Variants in MTMR9 observed in about 807,000 individuals in gnomAD.
MTMR9 encodes myotubularin related protein 9, also known as myotubularin-related protein 9.
In MTMR9, 39 loss-of-function variants were observed where a neutral mutation model predicts 69.5. The ratio of observed to expected loss-of-function variants is 0.56; its 90% CI spans 0.43 to 0.73. The LOEUF is 0.73. Among genes scored for constraint, MTMR9 ranks in the 30% least tolerant of loss-of-function variants. MTMR9 has a pLI of 0.00. For synonymous variants in MTMR9, 354 were observed against 240.8 expected (o/e 1.47, Z -4.35); for missense variants, 900 against 671.2 (o/e 1.34, Z -3.77).
chr8:11,310,617 C>T (rs1800159222), intron 6 of MTMR9, among the ~76,000 whole-genome samples: 1 of 152,102 alleles, frequency 6.6e-6, no homozygotes, highest in Non-Finnish European at 1.5e-5. Context: ...AGGTGAAGCC[C>T]ATTTACCTAA....
chr8:11,290,224 A>G (rs1799332848), intron 1 of MTMR9, among the ~76,000 whole-genome samples: 1 of 152,086 alleles, frequency 6.6e-6, no homozygotes, highest in South Asian at 2.1e-4. Context: ...ATCTTTGTAT[A>G]TGCTTGTGAG....
At chr8:11,287,993 T>A (rs1252267241) in intron 1 of MTMR9, among the ~76,000 whole-genome samples, 12 of 123,484 alleles carry the variant, frequency 9.7e-5, no homozygotes, top group East Asian at 6.6e-4. Context: ...ATAATATATA[T>A]TACATATAAT....
Position 11,325,040 on chromosome 8 carries a change from G to A in MTMR9, c.*2252G>A, listed in dbSNP as rs1585141652. On this transcript the variant is annotated 3_prime_UTR_variant, in exon 10 of 10. Transcript: ENST00000221086. ...GCGAGCCAGAGTACAGTCATAACAC[G>A]GTATTCGCATTTCGTTTTCTCTGTC... 1 of 152,128 alleles carries A rather than the reference G, an allele frequency of 6.6e-6. No homozygotes were observed. Among genetic ancestry groups the A allele is most frequent in the South Asian group, 2.1e-4 (1 of 4,824 alleles). 9.4% of individuals were successfully genotyped at this position (152,128 alleles called of 1,614,324 possible).
At chr8:11,330,514 GTTGC>G (rs764370258), downstream of MTMR9, among the ~76,000 whole-genome samples, 37 of 152,218 alleles carry the variant, frequency 2.4e-4, no homozygotes, top group Non-Finnish European at 4.9e-4. Context: ...AAATCAGATT[GTTGC>G]TGTGTCTGTG....
At position 11,327,570 on chromosome 8, in the gene MTMR9, CACAAAAAA is replaced by C. The variant is rs1448159539; in HGVS notation, c.*4784_*4791del. The C allele has an allele frequency of 1.3e-5, 2 of 152,568 alleles. No individual in the cohort carries two copies. The highest frequency in any genetic ancestry group is 2.9e-5 in the Non-Finnish European group (2 of 68,016). The allele number at this position is 152,568 out of a possible 1,614,324, so 9.5% of individuals were successfully genotyped here. Reference sequence around the variant, plus strand: ...AACCTTACTGATCTAATACCATCTACACAAAAAAATGTTGTAGTTGCAGAACTTAGTTT... The same window carrying C: ...AACCTTACTGATCTAATACCATCTACATGTTGTAGTTGCAGAACTTAGTTT... On this transcript the variant is annotated 3_prime_UTR_variant, in exon 10 of 10. Coordinates refer to ENST00000221086, the MANE Select transcript of MTMR9 (RefSeq NM_015458.4).
In MTMR9 at chr8:11,323,240, G is replaced by C. The variant is rs531049171; in HGVS notation, c.*452G>C. The C allele has an allele frequency of 2.6e-5, 4 of 152,396 alleles. No homozygotes were observed. The highest frequency in any genetic ancestry group is 7.2e-5 in the African/African-American group (3 of 41,560). The allele number at this position is 152,396 out of a possible 1,614,324, so 9.4% of individuals were successfully genotyped here. A position where few individuals can be genotyped will look rare whatever the true frequency, so the allele number is the denominator to read the frequency against. The stretch of plus-strand genomic sequence containing the variant: ...AATGTTTTTCAAAATGGCAACAATG[G>C]ATAAACCAAGGATTTTGTGTTTAAC... On this transcript the variant is annotated 3_prime_UTR_variant, in exon 10 of 10. Transcript: ENST00000221086.
At chr8:11,333,279 G>C in the MTMR9 span, among the ~76,000 whole-genome samples, 1 of 152,090 alleles carries the variant, frequency 6.6e-6, no homozygotes, top group African/African-American at 2.4e-5. Context: ...ACATTACAAG[G>C]GATCCTAAAT....
chr8:11,321,647 A>C (rs1217877080), intron 9 of MTMR9: 1 of 367,184 alleles, frequency 2.7e-6, no homozygotes, highest in Non-Finnish European at 5.4e-6. Flanking sequence ...TATGGTAGGC[A>C]TCTATATTGA....
intron 7 of MTMR9, 131 bp from the exon 8 acceptor site, chr8:11,316,542 A>G (rs1800422222): frequency 5.3e-6 from 3 of 568,002 alleles, no homozygotes; most frequent in Non-Finnish European, 9.1e-6. Context: ...AATCTGTACA[A>G]CAGCTACCCT....
chr8:11,294,080 T>A (rs966639414), intron 1 of MTMR9, among the ~76,000 whole-genome samples: 4 of 152,248 alleles, frequency 2.6e-5, no homozygotes, highest in African/African-American at 9.6e-5. Context: ...CATTAAAGTC[T>A]GCTGTGATTT....
downstream of MTMR9, among the ~76,000 whole-genome samples, chr8:11,332,893 C>T (rs114756740): frequency 1.4e-4 from 22 of 152,306 alleles, no homozygotes; most frequent in African/African-American, 4.6e-4. Flanking sequence ...AGCCACCACG[C>T]CCAGCCTTCC....
chr8:11,299,221 T>C (rs1489792242), intron 2 of MTMR9, among the ~76,000 whole-genome samples: 1 of 152,042 alleles, frequency 6.6e-6, no homozygotes, highest in Non-Finnish European at 1.5e-5. Context: ...TCCCAGCTAC[T>C]CAGGAGGCTG....
chr8:11,330,494 A>G (rs1801169835), downstream of MTMR9, among the ~76,000 whole-genome samples: 1 of 152,204 alleles, frequency 6.6e-6, no homozygotes. Context: ...AAGGTGGGGA[A>G]AAGATAGAGA....
chr8:11,317,639 C>T (rs561034262), intron 8 of MTMR9: 1 of 152,356 alleles, frequency 6.6e-6, no homozygotes, highest in South Asian at 2.1e-4. Flanking sequence ...TTGGGGATCC[C>T]TGGCCTAAAT....
chr8:11,311,073 A>C (rs552993497), intron 6 of MTMR9, among the ~76,000 whole-genome samples: 1 of 152,310 alleles, frequency 6.6e-6, no homozygotes, highest in East Asian at 1.9e-4. Flanking sequence ...AAAACATGAA[A>C]ATAGAGTTTA....
At chr8:11,313,132 C>T (rs572125661) in intron 6 of MTMR9, among the ~76,000 whole-genome samples, 8 of 152,232 alleles carry the variant, frequency 5.3e-5, no homozygotes, top group Admixed American at 2.0e-4. Context: ...CTTAAAGTCA[C>T]CAGCTGCATT....
In MTMR9 at chr8:11,284,943, C is replaced by G. The variant is rs746134648; in HGVS notation, c.55C>G (p.Arg19Gly). The change falls in exon 1 of 10, where the codon CGG becomes GGG. Residue 19 changes from arginine (R) to glycine (G), a missense_variant. Coordinates refer to ENST00000221086, the MANE Select transcript of MTMR9 (RefSeq NM_015458.4). ...TPRVDNVVLHRPFYPAVEGTL... is the reference protein window; with the variant it reads ...TPRVDNVVLHGPFYPAVEGTL... ...GCGGGTGGACAATGTGGTGCTGCAC[C>G]GGCCTTTCTACCCGGCTGTCGAGGG... is the stretch of plus-strand genomic sequence containing the variant. The G allele has an allele frequency of 1.9e-6, 3 of 1,613,920 alleles. No individual in the cohort carries two copies. The highest frequency in any genetic ancestry group is 2.2e-5 in the East Asian group (1 of 44,840).
downstream of MTMR9, among the ~76,000 whole-genome samples, chr8:11,329,142 G>A (rs1351520988): frequency 1.3e-5 from 2 of 152,184 alleles, no homozygotes; most frequent in African/African-American, 4.8e-5. Context: ...ATATGTCTGT[G>A]TTAATCACTG....
chr8:11,295,957 C>G (rs1223013783), intron 2 of MTMR9, among the ~76,000 whole-genome samples: 2 of 152,150 alleles, frequency 1.3e-5, no homozygotes, highest in African/African-American at 4.8e-5. Context: ...AACCAGTGCA[C>G]TGTTCACTTC....
Sources: allele counts gnomAD v4.1 joint callset (sites outside exome capture counted in the v4.1 genomes callset), GRCh38; gene constraint gnomAD v4.1.1; transcripts MANE v1.5; gene names NCBI Gene and HGNC (gene_info 2026-07-23, HGNC 2026-07-21).